The following EBAG9 variants were observed in gnomAD, a reference collection of about 807,000 sequenced individuals.
EBAG9 encodes receptor-binding cancer antigen expressed on SiSo cells.
A neutral mutation model predicts 30.9 loss-of-function variants in EBAG9; 16 were observed. The ratio of observed to expected loss-of-function variants is 0.52; its 90% CI spans 0.35 to 0.79. The LOEUF is 0.79. Ranked by LOEUF, EBAG9 falls within the 30% of genes least tolerant of loss-of-function variation. EBAG9 has a pLI of 0.01. For synonymous variants in EBAG9, 93 were observed against 82.8 expected (o/e 1.12, Z -0.67); for missense variants, 197 against 242.1 (o/e 0.81, Z 1.24).
intron 6 of EBAG9, among the ~76,000 whole-genome samples, chr8:109,563,734 C>T (rs56221516): frequency 0.092 from 13,966 of 152,000 alleles, 889 homozygotes; most frequent in Non-Finnish European, 0.13. Flanking sequence ...CTGATCCTCT[C>T]CCTCCGTCTA....
intron 6 of EBAG9, among the ~76,000 whole-genome samples, chr8:109,562,012 G>A (rs912940686): frequency 2.6e-5 from 4 of 151,160 alleles, no homozygotes; most frequent in African/African-American, 9.7e-5. Context: ...TTTATAAAGG[G>A]AATATTTTTT....
intron 1 of EBAG9, among the ~76,000 whole-genome samples, chr8:109,546,007 A>G (rs919378772): frequency 6.6e-6 from 1 of 152,240 alleles, no homozygotes; most frequent in Admixed American, 6.5e-5. Context: ...AATGCTTTTT[A>G]TGAAATATAA....
rs538201775 is a variant in EBAG9, at chr8:109,547,722, C to T, written c.-15-3088C>T. 1.9e-3 allele frequency among the ~76,000 whole-genome samples: 285 copies of T among 152,066 alleles called. 1 individual carries two copies. The highest frequency in any genetic ancestry group is 3.7e-3 in the Admixed American group (56 of 15,284). On this transcript the variant is annotated intron_variant, in intron 1 of 6. Transcript: ENST00000337573. ...GTCTTGATCTCCTGACCTCGTGATC[C>T]GCCCGCCTCGGCCTCCCAAAGTGCT...
chr8:109,553,411 C>A (rs1350611272), intron 2 of EBAG9, among the ~76,000 whole-genome samples: 1 of 152,046 alleles, frequency 6.6e-6, no homozygotes, highest in Non-Finnish European at 1.5e-5. Context: ...AGTAAGTTAC[C>A]ATTTGGTTCA....
rs1821810957 is a variant in EBAG9 at position 109,565,580 on chromosome 8, A to C, written c.*1021A>C. 6.6e-6 allele frequency: 1 copy of C among 152,128 alleles called. No homozygotes were observed. The highest frequency in any genetic ancestry group is 1.5e-5 in the Non-Finnish European group (1 of 67,966). 9.4% of individuals were successfully genotyped at this position (152,128 alleles called of 1,614,324 possible). On this transcript the variant is annotated 3_prime_UTR_variant, in exon 7 of 7. Transcript: ENST00000337573. ...GATTGGCTCCAAAATAGTCTTAAGGAAATAAATACTGGGTCTGTAGGGGAA... is the reference window on the plus strand; with the variant it reads ...GATTGGCTCCAAAATAGTCTTAAGGCAATAAATACTGGGTCTGTAGGGGAA...
Position 109,541,228 on chromosome 8 carries a change from A to G in EBAG9, c.-16+767A>G, listed in dbSNP as rs139035655. Among the ~76,000 whole-genome samples the G allele has an allele frequency of 1.8e-3, 281 of 152,320 alleles. 1 individual carries two copies. The highest frequency in any genetic ancestry group is 6.5e-3 in the African/African-American group (270 of 41,570). On this transcript the variant is annotated intron_variant, in intron 1 of 6. Coordinates refer to ENST00000337573, the MANE Select transcript of EBAG9 (RefSeq NM_004215.5). ...AATGTTAAGATTAGATTATATTAACATTGTTCCGTTCTAGAAAGTGTTTTA... is the reference window on the plus strand; with the variant it reads ...AATGTTAAGATTAGATTATATTAACGTTGTTCCGTTCTAGAAAGTGTTTTA...
chr8:109,543,425 A>G (rs961669585), intron 1 of EBAG9, among the ~76,000 whole-genome samples: 1 of 152,112 alleles, frequency 6.6e-6, no homozygotes, highest in Non-Finnish European at 1.5e-5. Flanking sequence ...AGAGCAATCA[A>G]GATCAGATAC....
chr8:109,554,044 G>C, intron 3 of EBAG9, 101 bp downstream of exon 3: 1 of 790,138 alleles, frequency 1.3e-6, no homozygotes, highest in Non-Finnish European at 1.9e-6. Context: ...ATCATTAATA[G>C]AAATTAATTT....
Position 109,564,432 on chromosome 8 carries a change from T to C in EBAG9, c.522-7T>C, listed in dbSNP as rs1821774550. 6.2e-7 allele frequency: 1 copy of C among 1,610,504 alleles called. No individual in the cohort carries two copies. The highest frequency in any genetic ancestry group is 8.5e-7 in the Non-Finnish European group (1 of 1,178,244). ...TTTTCTAAAAGTAAAAGTATGTTTC[T>C]TTTCAGACAGCAGAAACTAGCAGAC... On this transcript the variant is annotated splice_polypyrimidine_tract_variant and splice_region_variant and intron_variant, in intron 6 of 6. Transcript: ENST00000337573.
intron 2 of EBAG9, 43 bp from the exon 3 acceptor site, chr8:109,553,822 G>C (rs1483559115): frequency 4.3e-5 from 65 of 1,515,116 alleles, no homozygotes; most frequent in Non-Finnish European, 5.6e-5. Flanking sequence ...TACTTTGCTT[G>C]TTTTGGTGGT....
At chr8:109,539,748 G>A (rs886361205), upstream of EBAG9, 1 of 152,424 alleles carries the variant, frequency 6.6e-6, no homozygotes, top group Non-Finnish European at 1.5e-5. Flanking sequence ...CAGAGGCAAC[G>A]CAGGCTGCTA....
intron 6 of EBAG9, chr8:109,563,554 A>G (rs759816299): frequency 1.3e-6 from 2 of 1,574,384 alleles, no homozygotes; most frequent in Non-Finnish European, 8.6e-7. Flanking sequence ...TTCACAAAGT[A>G]TGATTAGTAA....
In EBAG9 at chr8:109,550,889, TA is replaced by T; in HGVS notation, c.68del (p.Lys23ArgfsTer3). On this transcript the variant is annotated frameshift_variant, in exon 2 of 7. Transcript: ENST00000337573. LOFTEE classifies it high-confidence loss of function. ...TGCCTAGCAACAGTATTCTCATTCC[TA>T]AAGAGATTAATATGCAGGTAAATAA... is the stretch of plus-strand genomic sequence containing the variant. ...CTCLATVFSF[L>X]KRLICRSGRG... The T allele has an allele frequency of 1.3e-6, 2 of 1,585,666 alleles. No individual in the cohort carries two copies. The highest frequency in any genetic ancestry group is 8.6e-7 in the Non-Finnish European group (1 of 1,160,968).
intron 1 of EBAG9, among the ~76,000 whole-genome samples, chr8:109,547,635 C>T (rs1297888667): frequency 6.6e-6 from 1 of 151,998 alleles, no homozygotes; most frequent in Non-Finnish European, 1.5e-5. Context: ...TGCCCGCGAC[C>T]ATGCCCGGCT....
At chr8:109,557,430 T>G (rs78472114) in intron 5 of EBAG9, among the ~76,000 whole-genome samples, 1,619 of 152,324 alleles carry the variant, frequency 0.011, 30 homozygotes, top group African/African-American at 0.037. Context: ...ACGGTTTGAC[T>G]TAAATGAAAC....
chr8:109,543,810 C>A (rs1333644123), intron 1 of EBAG9, among the ~76,000 whole-genome samples: 1 of 152,082 alleles, frequency 6.6e-6, no homozygotes, highest in African/African-American at 2.4e-5. Flanking sequence ...GCAGGCAGAT[C>A]ACTTGAGGCC....
At chr8:109,544,834 C>T (rs972833053) in intron 1 of EBAG9, among the ~76,000 whole-genome samples, 6 of 152,092 alleles carry the variant, frequency 3.9e-5, no homozygotes, top group East Asian at 1.9e-4. Context: ...GGCTCTTAGT[C>T]GGGACATTGT....
At chr8:109,554,649 C>A in intron 3 of EBAG9, 80 bp from the exon 4 acceptor site, 2 of 1,406,800 alleles carry the variant, frequency 1.4e-6, no homozygotes, top group Non-Finnish European at 1.9e-6. Flanking sequence ...TTTAGAAAGC[C>A]CATTTTTCTA....
chr8:109,560,680 A>G (rs567326306), intron 5 of EBAG9, among the ~76,000 whole-genome samples, 158 bp from the exon 6 acceptor site: 22 of 152,320 alleles, frequency 1.4e-4, no homozygotes, highest in Non-Finnish European at 2.6e-4. Flanking sequence ...AGCCAAAAGC[A>G]AAATCATCTG....
Sources: allele counts gnomAD v4.1 joint callset (sites outside exome capture counted in the v4.1 genomes callset), GRCh38; gene constraint gnomAD v4.1.1; transcripts MANE v1.5; gene names NCBI Gene and HGNC (gene_info 2026-07-23, HGNC 2026-07-21).